The following UPRT variants were observed in gnomAD, a reference collection of about 807,000 sequenced individuals.
UPRT encodes the protein RP11-311P8.3.
UPRT carries 5 observed loss-of-function variants against 22.6 expected under a neutral mutation model. The observed-to-expected ratio is 0.22, with a 90% CI of 0.12 to 0.47. The LOEUF (loss-of-function observed/expected upper bound fraction) is 0.47, where lower values mean the gene tolerates loss of function less well. Ranked by LOEUF, UPRT falls within the 20% of genes least tolerant of loss-of-function variation. The pLI is 0.99. For synonymous variants in UPRT, 77 were observed against 87.7 expected, an observed-to-expected ratio of 0.88 and a Z score of 0.68; for missense variants, 181 against 239.9, an observed-to-expected ratio of 0.75 and a Z score of 1.62.
At chrX:75,183,342 G>C (rs1400592259) in intron 4 of UPRT, among the ~76,000 whole-genome samples, 1 of 111,394 alleles carries the variant, frequency 9.0e-6, no homozygotes, top group East Asian at 2.8e-4. Context: ...TCCCCACAAA[G>C]GACATGAACT....
At chrX:75,282,898 T>C (rs2082664252) in intron 1 of UPRT, among the ~76,000 whole-genome samples, 1 of 112,005 alleles carries the variant, frequency 8.9e-6, no homozygotes, top group South Asian at 3.7e-4. Flanking sequence ...GTTATTGTGT[T>C]GTTGTCTAAC....
At chrX:75,202,764 A>G (rs2082350550) in intron 4 of UPRT, 1 of 112,092 alleles carries the variant, frequency 8.9e-6, no homozygotes, top group African/African-American at 3.2e-5. Context: ...TAGCATGTCC[A>G]TTGTGCAAGG....
intron 4 of UPRT, among the ~76,000 whole-genome samples, chrX:75,190,301 T>C (rs943324529): frequency 3.0e-4 from 34 of 112,037 alleles, no homozygotes; most frequent in African/African-American, 1.1e-3. Context: ...TGTTGAATAT[T>C]GGCCCCCACT....
At chrX:75,184,875 C>G (rs2147612972) in intron 4 of UPRT, among the ~76,000 whole-genome samples, 1 of 111,442 alleles carries the variant, frequency 9.0e-6, no homozygotes, top group South Asian at 3.8e-4. Context: ...GATTTTGTAT[C>G]CCGAGACTTT....
intron 1 of UPRT, among the ~76,000 whole-genome samples, chrX:75,292,666 TAA>T (rs1432198082): frequency 2.7e-5 from 3 of 111,847 alleles, no homozygotes; most frequent in African/African-American, 9.7e-5. Flanking sequence ...ACATAAGCTG[TAA>T]ATCAATCCAT....
At chrX:75,237,144 G>A (rs2082469120) in intron 4 of UPRT, among the ~76,000 whole-genome samples, 1 of 112,276 alleles carries the variant, frequency 8.9e-6, no homozygotes, top group African/African-American at 3.2e-5. Flanking sequence ...TAAAGGACAT[G>A]AACAGATACT....
intron 1 of UPRT, among the ~76,000 whole-genome samples, chrX:75,282,859 C>T: frequency 8.9e-6 from 1 of 111,791 alleles, no homozygotes; most frequent in East Asian, 2.8e-4. Context: ...CTGTCTAGTG[C>T]TGTCAGTGGA....
intron 4 of UPRT, among the ~76,000 whole-genome samples, chrX:75,198,344 G>A (rs2082338565): frequency 8.9e-6 from 1 of 112,400 alleles, no homozygotes; most frequent in Non-Finnish European, 1.9e-5. Flanking sequence ...CAAATAGCTC[G>A]ATAGGGGTAT....
intron 4 of UPRT, among the ~76,000 whole-genome samples, chrX:75,251,615 G>T (rs766957373): frequency 1.8e-5 from 2 of 111,641 alleles, no homozygotes; most frequent in Non-Finnish European, 3.8e-5. Context: ...AAGAATGAAT[G>T]TCGTGAAAAT....
chrX:75,232,089 G>C (rs1010980716), intron 4 of UPRT, among the ~76,000 whole-genome samples: 32 of 111,379 alleles, frequency 2.9e-4, no homozygotes, highest in Admixed American at 9.5e-5. Flanking sequence ...AACTCACCAT[G>C]CATGAGCCGA....
At chrX:75,191,555 CCAGAGGTGAAGTCTACAGAGG>C (rs1283549074) in intron 4 of UPRT, among the ~76,000 whole-genome samples, 2 of 111,325 alleles carry the variant, frequency 1.8e-5, no homozygotes, top group African/African-American at 6.5e-5. Context: ...TGCCCTGCCC[CCAGAGGTGAAGTCTACAGAGG>C]CAGGCAGGCC....
intron 2 of UPRT, among the ~76,000 whole-genome samples, chrX:75,294,836 G>T (rs191058151): frequency 2.7e-5 from 3 of 111,817 alleles, no homozygotes; most frequent in African/African-American, 9.7e-5. Context: ...GGTAGAAAAC[G>T]GTTCCTCTTT....
intron 4 of UPRT, among the ~76,000 whole-genome samples, chrX:75,176,573 A>G (rs902091265): frequency 2.0e-4 from 22 of 111,334 alleles, no homozygotes; most frequent in Non-Finnish European, 3.2e-4. Context: ...CCCTCCCCCT[A>G]CAGCTTGAAG....
upstream of UPRT, among the ~76,000 whole-genome samples, chrX:75,271,945 C>A (rs2082609244): frequency 9.0e-6 from 1 of 111,019 alleles, no homozygotes; most frequent in South Asian, 3.8e-4. Context: ...CAATTTAATA[C>A]CACCTTACTC....
At chrX:75,226,698 G>A (rs1311852510) in intron 4 of UPRT, among the ~76,000 whole-genome samples, 4 of 110,025 alleles carry the variant, frequency 3.6e-5, no homozygotes, top group African/African-American at 1.3e-4. Flanking sequence ...TAAAATTAAT[G>A]TACTCTCTCT....
At chrX:75,265,132 T>C (rs1371713571) in intron 4 of UPRT, among the ~76,000 whole-genome samples, 4 of 111,212 alleles carry the variant, frequency 3.6e-5, no homozygotes, top group African/African-American at 1.3e-4. Flanking sequence ...TCATTTCAAC[T>C]TTGGTGAATC....
At chrX:75,190,222 C>A (rs2082310233) in intron 4 of UPRT, among the ~76,000 whole-genome samples, 1 of 111,597 alleles carries the variant, frequency 9.0e-6, no homozygotes, top group South Asian at 3.8e-4. Context: ...TATTTTATTT[C>A]TCCTTCTCTT....
intron 4 of UPRT, among the ~76,000 whole-genome samples, chrX:75,252,730 G>T (rs2082535626): frequency 8.9e-6 from 1 of 112,107 alleles, no homozygotes; most frequent in South Asian, 3.7e-4. Context: ...CTGCTATAAA[G>T]ACACATGCAC....
intron 1 of UPRT, among the ~76,000 whole-genome samples, chrX:75,285,191 C>T (rs770627102): frequency 9.0e-5 from 10 of 111,299 alleles, no homozygotes; most frequent in South Asian, 7.7e-4. Flanking sequence ...GCAGTGGGCA[C>T]GACTGGCTTG....
Sources: allele counts gnomAD v4.1 joint callset (sites outside exome capture counted in the v4.1 genomes callset), GRCh38; gene constraint gnomAD v4.1.1; transcripts MANE v1.5; gene names NCBI Gene and HGNC (gene_info 2026-07-23, HGNC 2026-07-21).